The following RIMBP2 variants were observed in gnomAD, a reference collection of about 807,000 sequenced individuals.
The protein encoded by RIMBP2 is RIMS-binding protein 2.
In RIMBP2, 48 loss-of-function variants were observed where a neutral mutation model predicts 118.6. That is an observed-to-expected ratio of 0.40 (90% CI 0.32 to 0.51). RIMBP2 has a LOEUF of 0.51. Ranked by LOEUF, RIMBP2 falls within the 20% of genes least tolerant of loss-of-function variation. The pLI, the probability that RIMBP2 is intolerant of heterozygous loss-of-function variation, is 0.41. For synonymous variants in RIMBP2, 762 were observed against 742.9 expected (o/e 1.03, Z -0.42); for missense variants, 1,551 against 1,768.3 (o/e 0.88, Z 2.20).
Position 130,688,749 on chromosome 12 carries a change from C to A in RIMBP2, c.-352+27473G>T, listed in dbSNP as rs2136634989. 6.6e-6 allele frequency among the ~76,000 whole-genome samples: 1 copy of A among 152,336 alleles called. No individual in the cohort carries two copies. The highest frequency in any genetic ancestry group is 1.9e-4 in the East Asian group (1 of 5,156). ...CAGAGGCCACATGGCCCCCTTGGGG[C>A]TCATACAGAGACACAGAACCACCTC... On this transcript the variant is annotated intron_variant, in intron 1 of 22. Coordinates refer to ENST00000690449, the MANE Select transcript of RIMBP2 (RefSeq NM_001393629.1). This position sits in a 1 kb window ranked among gnomAD's most constrained non-coding sequence, Gnocchi z 4.7.
At chr12:130,454,997 AAC>A (rs1670817585) in intron 7 of RIMBP2, among the ~76,000 whole-genome samples, 1 of 152,218 alleles carries the variant, frequency 6.6e-6, no homozygotes, top group African/African-American at 2.4e-5. Flanking sequence ...GCTCACACTG[AAC>A]ACCTGCTTTC....
In RIMBP2 at chr12:130,424,398, A is replaced by G. The variant is rs2076629264; in HGVS notation, c.2873T>C (p.Leu958Pro). The G allele has an allele frequency of 8.1e-7, 1 of 1,232,718 alleles. No homozygotes were observed. 76.4% of individuals were successfully genotyped at this position (1,232,718 alleles called of 1,614,324 possible). A position where few individuals can be genotyped will look rare whatever the true frequency, so the allele number is the denominator to read the frequency against. ...CPCRRGPRPL[L>P]ARRRTLTRQS... ...CCGGGTCAGCGTCCGCCGCCGGGCC[A>G]GCAGCGGCCTCGGGCCCCTCCTGCA... is the stretch of plus-strand genomic sequence containing the variant. The change falls in exon 16 of 23, where the codon CTG becomes CCG. Residue 958 changes from leucine to proline, a missense_variant. This residue lies in a region of RIMBP2 where 1,038 missense variants were observed against 1,125.1 expected (regional missense o/e 0.92). Coordinates refer to ENST00000690449, the MANE Select transcript of RIMBP2 (RefSeq NM_001393629.1). This position sits in a 1 kb window ranked among gnomAD's most constrained non-coding sequence, Gnocchi z 9.8.
chr12:130,692,397 C>T (rs1294800341), intron 1 of RIMBP2, among the ~76,000 whole-genome samples: 1 of 152,140 alleles, frequency 6.6e-6, no homozygotes, highest in South Asian at 2.1e-4. Flanking sequence ...GTTTGAGCAA[C>T]CAAGAATGAA....
chr12:130,678,466 A>G (rs1195885116), intron 1 of RIMBP2, among the ~76,000 whole-genome samples: 1 of 152,118 alleles, frequency 6.6e-6, no homozygotes, highest in Non-Finnish European at 1.5e-5. Context: ...CCTTGGAAAC[A>G]CGACACCCAG....
rs2076454357 is a variant in RIMBP2, at chr12:130,422,141, T to A, written c.3238+312A>T. ...CTGCCATGGACTGTGACCCTGAGTG[T>A]CCCAGGGAGCCCATGCCAGGATGAG... On this transcript the variant is annotated intron_variant, in intron 17 of 22. Coordinates refer to ENST00000690449, the MANE Select transcript of RIMBP2 (RefSeq NM_001393629.1). The surrounding 1 kb of genome is among the most constrained non-coding windows in gnomAD (Gnocchi z 5.2). Among the ~76,000 whole-genome samples the A allele has an allele frequency of 6.6e-6, 1 of 152,096 alleles. No homozygotes were observed. Among genetic ancestry groups the A allele is most frequent in the South Asian group, 2.1e-4 (1 of 4,816 alleles).
intron 6 of RIMBP2, among the ~76,000 whole-genome samples, chr12:130,459,508 T>C (rs970428624): frequency 2.0e-5 from 3 of 151,650 alleles, no homozygotes; most frequent in Non-Finnish European, 4.4e-5. Context: ...TTTTCAGAAA[T>C]GAAGAGATTT....
In RIMBP2 at chr12:130,556,127, A is replaced by AAGCAAACCC. The variant is rs2056332598; in HGVS notation, c.-216-38219_-216-38211dup. Among the ~76,000 whole-genome samples, 7 of 152,268 alleles carry AAGCAAACCC rather than the reference A, an allele frequency of 4.6e-5. No individual in the cohort carries two copies. In the South Asian group the frequency reaches 1.5e-3, roughly 32 times the overall value. ...TTGCTGCACTTGTGTTCCTGGTGTC[A>AAGCAAACCC]AGCAAACCCGTGTTTTCAATGCAGA... On this transcript the variant is annotated intron_variant, in intron 2 of 22. Transcript: ENST00000690449.
intron 1 of RIMBP2, among the ~76,000 whole-genome samples, chr12:130,707,464 G>T (rs1335730879): frequency 6.6e-6 from 1 of 152,202 alleles, no homozygotes; most frequent in Non-Finnish European, 1.5e-5. Flanking sequence ...CTCAGAGGCG[G>T]TGACCTTTGA....
chr12:130,554,502 C>G (rs2056147923), intron 2 of RIMBP2, among the ~76,000 whole-genome samples: 1 of 152,206 alleles, frequency 6.6e-6, no homozygotes, highest in African/African-American at 2.4e-5. Flanking sequence ...AGTGACCCTA[C>G]TAACATCACC....
At chr12:130,603,037 C>A (rs1397691639) in intron 2 of RIMBP2, among the ~76,000 whole-genome samples, 2 of 152,028 alleles carry the variant, frequency 1.3e-5, no homozygotes, top group Non-Finnish European at 2.9e-5. Context: ...ATTTTAAAAC[C>A]AAAATTGGCA....
intron 4 of RIMBP2, among the ~76,000 whole-genome samples, chr12:130,495,986 G>A (rs542774285): frequency 4.3e-4 from 66 of 152,278 alleles, no homozygotes; most frequent in African/African-American, 1.4e-3. Flanking sequence ...CAACGGGAAC[G>A]TCCCCCTAGG....
At chr12:130,633,285 T>C (rs2062119393) in intron 1 of RIMBP2, among the ~76,000 whole-genome samples, 1 of 152,224 alleles carries the variant, frequency 6.6e-6, no homozygotes, top group East Asian at 1.9e-4. Context: ...AAAAATTGAA[T>C]ACAGAGTAGG....
rs1476524686 is a variant in RIMBP2 at position 130,517,913 on chromosome 12, T to C, written c.-212A>G. The C allele has an allele frequency of 2.0e-6, 2 of 984,146 alleles. No individual in the cohort carries two copies. Among genetic ancestry groups the C allele is most frequent in the African/African-American group, 3.5e-5 (2 of 57,200 alleles). The allele number at this position is 984,146 out of a possible 1,614,324, so 61.0% of individuals were successfully genotyped here. ...TCCCTGGGTGGCATCCTTCAGTTCATTTTCCTAGGACAAAAGGAAAGGACA... is the reference window on the plus strand; with the variant it reads ...TCCCTGGGTGGCATCCTTCAGTTCACTTTCCTAGGACAAAAGGAAAGGACA... On this transcript the variant is annotated 5_prime_UTR_variant, in exon 3 of 23. It removes an upstream start codon present in the reference 5' UTR. Coordinates refer to ENST00000690449, the MANE Select transcript of RIMBP2 (RefSeq NM_001393629.1).
At chr12:130,615,327 T>C (rs2140702128) in intron 2 of RIMBP2, among the ~76,000 whole-genome samples, 1 of 115,248 alleles carries the variant, frequency 8.7e-6, no homozygotes, top group African/African-American at 3.2e-5. Context: ...AGATATTTTT[T>C]TGAGATGGAG....
intron 11 of RIMBP2, among the ~76,000 whole-genome samples, chr12:130,439,328 AGT>A (rs1335515701): frequency 7.3e-6 from 1 of 137,794 alleles, no homozygotes; most frequent in African/African-American, 2.8e-5. Context: ...GATGTGTGTA[AGT>A]GTATGTATGT....
chr12:130,700,935 C>G (rs907518213), intron 1 of RIMBP2, among the ~76,000 whole-genome samples: 5 of 152,194 alleles, frequency 3.3e-5, no homozygotes, highest in Non-Finnish European at 7.3e-5. Flanking sequence ...TTGTAAGCAC[C>G]ACTGTGTACA....
intron 1 of RIMBP2, among the ~76,000 whole-genome samples, chr12:130,655,373 T>C (rs979280676): frequency 5.3e-5 from 8 of 152,196 alleles, no homozygotes; most frequent in Non-Finnish European, 1.2e-4. Context: ...TCTTGCCTGA[T>C]GCATTGTAAC....
chr12:130,457,128 T>C (rs999004446), intron 6 of RIMBP2, among the ~76,000 whole-genome samples: 1 of 152,280 alleles, frequency 6.6e-6, no homozygotes, highest in Admixed American at 6.5e-5. Context: ...AGTATGAGGC[T>C]GTGATGCGGC....
chr12:130,416,880 C>G (rs2076130886), intron 17 of RIMBP2, among the ~76,000 whole-genome samples: 1 of 151,604 alleles, frequency 6.6e-6, no homozygotes, highest in African/African-American at 2.4e-5. Flanking sequence ...AAAAATGACT[C>G]CATTAAAAAG....
Sources: allele counts gnomAD v4.1 joint callset (sites outside exome capture counted in the v4.1 genomes callset), GRCh38; gene constraint gnomAD v4.1.1; regional missense constraint gnomAD v4.1.1; non-coding constraint Gnocchi (gnomAD v3.1); transcripts MANE v1.5; gene names NCBI Gene and HGNC (gene_info 2026-07-23, HGNC 2026-07-21).